Variants in DIS3L2 observed in about 807,000 individuals in gnomAD.
DIS3L2 encodes the protein DIS3-like exonuclease 2.
A neutral mutation model predicts 97.5 loss-of-function variants in DIS3L2; 34 were observed. The ratio of observed to expected loss-of-function variants is 0.35; its 90% CI spans 0.27 to 0.46. The LOEUF is 0.46. DIS3L2 is among the 20% of genes least tolerant of loss of function. DIS3L2 has a pLI of 1.00. For missense variants in DIS3L2, 1,038 were observed against 1,146.0 expected (o/e 0.91, Z 1.36); for synonymous variants, 435 against 445.2 (o/e 0.98, Z 0.29).
At chr2:232,245,885 C>G (rs1693233549) in intron 11 of DIS3L2, among the ~76,000 whole-genome samples, 1 of 151,946 alleles carries the variant, frequency 6.6e-6, no homozygotes, top group African/African-American at 2.4e-5. Flanking sequence ...TTTTTTTTGT[C>G]AAGATGTTTA....
intron 9 of DIS3L2, chr2:232,172,736 C>T (rs1265070964): frequency 3.8e-6 from 2 of 520,234 alleles, no homozygotes. Flanking sequence ...CATTTGCACT[C>T]CCTGTGGCAA....
At chr2:232,164,829 G>A (rs895689903) in intron 9 of DIS3L2, among the ~76,000 whole-genome samples, 1 of 152,002 alleles carries the variant, frequency 6.6e-6, no homozygotes, top group Non-Finnish European at 1.5e-5. Context: ...TCTCTTCAGG[G>A]GCTCCGAGGT....
At chr2:232,077,778 A>G (rs977936202) in intron 5 of DIS3L2, among the ~76,000 whole-genome samples, 1 of 152,148 alleles carries the variant, frequency 6.6e-6, no homozygotes, top group African/African-American at 2.4e-5. Context: ...AAGAATTTAA[A>G]AAGTCCTCAG....
At chr2:232,107,835 C>T (rs1180230963) in intron 6 of DIS3L2, among the ~76,000 whole-genome samples, 2 of 152,150 alleles carry the variant, frequency 1.3e-5, no homozygotes, top group Non-Finnish European at 2.9e-5. Flanking sequence ...CATACACCCT[C>T]CCAGGACTGA....
chr2:232,333,406 C>T (rs58709263), intron 16 of DIS3L2, among the ~76,000 whole-genome samples: 19,441 of 151,590 alleles, frequency 0.13, 1,905 homozygotes, highest in African/African-American at 0.28. Context: ...AAGGGTAGGC[C>T]AGAGACTCTT....
At chr2:232,336,240 T>A in intron 20 of DIS3L2, 1 of 1,541,966 alleles carries the variant, frequency 6.5e-7, no homozygotes, top group Non-Finnish European at 8.8e-7. Context: ...ACCCAGGCCC[T>A]CAGGTTGTGT....
intron 1 of DIS3L2, chr2:231,978,425 C>CT (rs1029827714): frequency 3.9e-5 from 6 of 152,144 alleles, no homozygotes; most frequent in Non-Finnish European, 5.9e-5. Context: ...ATGTGATTTG[C>CT]TTTTTTCCCA....
chr2:232,111,072 G>A (rs190674923), intron 6 of DIS3L2: 3 of 377,430 alleles, frequency 7.9e-6, no homozygotes, highest in Non-Finnish European at 1.6e-5. Context: ...AATGATAGAT[G>A]TAGTTGTTAC....
At chr2:232,049,630 A>C (rs959065559) in intron 5 of DIS3L2, among the ~76,000 whole-genome samples, 1 of 152,186 alleles carries the variant, frequency 6.6e-6, no homozygotes, top group Admixed American at 6.5e-5. Context: ...GACACAGGGA[A>C]AACCTGAGAC....
intron 7 of DIS3L2, among the ~76,000 whole-genome samples, chr2:232,132,317 T>A (rs1698243047): frequency 6.6e-6 from 1 of 152,220 alleles, no homozygotes; most frequent in South Asian, 2.1e-4. Flanking sequence ...TGTAGTAATG[T>A]CAGCCTACTT....
chr2:232,075,195 C>T (rs1299864243), intron 5 of DIS3L2, among the ~76,000 whole-genome samples: 3 of 152,130 alleles, frequency 2.0e-5, no homozygotes, highest in African/African-American at 7.2e-5. Flanking sequence ...ACAACTCTGC[C>T]ATTTAGTAGC....
chr2:232,342,260 C>CATATACATAT (rs1217962635), intron 13 of DIS3L2, among the ~76,000 whole-genome samples: 2 of 139,768 alleles, frequency 1.4e-5, no homozygotes, highest in Non-Finnish European at 3.1e-5. Context: ...CACATACACA[C>CATATACATAT]ATACACATAT....
intron 5 of DIS3L2, among the ~76,000 whole-genome samples, chr2:232,061,084 T>C (rs1364316668): frequency 1.3e-5 from 2 of 152,182 alleles, no homozygotes; most frequent in East Asian, 3.8e-4. Context: ...AAGATCATAT[T>C]ATCTGCAAAC....
chr2:232,286,206 A>G (rs1002296857), intron 13 of DIS3L2, among the ~76,000 whole-genome samples: 2 of 152,094 alleles, frequency 1.3e-5, no homozygotes, highest in Non-Finnish European at 2.9e-5. Context: ...AGCTTCATCT[A>G]GTGGCATAGG....
At chr2:232,079,693 T>C (rs1696329780) in intron 5 of DIS3L2, among the ~76,000 whole-genome samples, 1 of 151,866 alleles carries the variant, frequency 6.6e-6, no homozygotes, top group African/African-American at 2.4e-5. Context: ...CTATTTCAGT[T>C]ACTGTGATCA....
At chr2:232,227,059 A>G (rs1384849970) in intron 10 of DIS3L2, among the ~76,000 whole-genome samples, 2 of 152,206 alleles carry the variant, frequency 1.3e-5, no homozygotes, top group Admixed American at 6.5e-5. Context: ...TCAGAAATAG[A>G]AAGTGACCAG....
At position 232,311,786 on chromosome 2, in the gene DIS3L2, C is replaced by T. The variant is rs571789229; in HGVS notation, c.1739+11667C>T. Among the ~76,000 whole-genome samples, 11 of 152,304 alleles carry T rather than the reference C, an allele frequency of 7.2e-5. 1 individual carries two copies. The South Asian group carries it at 2.3e-3, about 32-fold the overall frequency. ...TTGTGAGAATTCATCTTTGCTGTTG[C>T]ATCTATAGTCCATTCATCAATTTAT... On this transcript the variant is annotated intron_variant, in intron 14 of 20. Coordinates refer to ENST00000325385, the MANE Select transcript of DIS3L2 (RefSeq NM_152383.5).
At chr2:232,089,395 A>G (rs1260516942) in intron 6 of DIS3L2, among the ~76,000 whole-genome samples, 1 of 152,176 alleles carries the variant, frequency 6.6e-6, no homozygotes, top group Non-Finnish European at 1.5e-5. Flanking sequence ...TTTGGATGCT[A>G]TTCCTTGACA....
At chr2:232,338,168 T>TTCCCC (rs1203801078), downstream of DIS3L2, among the ~76,000 whole-genome samples, 1 of 151,900 alleles carries the variant, frequency 6.6e-6, no homozygotes, top group Non-Finnish European at 1.5e-5. Context: ...ACCAGGGCCC[T>TTCCCC]TCCCCTCCCC....
Sources: gnomAD v4.1 joint callset for allele counts (sites outside exome capture counted in the v4.1 genomes callset) on GRCh38, gnomAD v4.1.1 for gene constraint, MANE v1.5 for transcripts, NCBI Gene and HGNC (gene_info 2026-07-23, HGNC 2026-07-21) for gene names.